CACNB4: variants seen among roughly 807,000 people sequenced by gnomAD.
The protein encoded by CACNB4 is calcium voltage-gated channel auxiliary subunit beta 4.
Under a neutral mutation model 71.2 loss-of-function variants are expected in CACNB4, and 32 were observed. That is an observed-to-expected ratio of 0.45 (90% CI 0.34 to 0.60). The LOEUF (loss-of-function observed/expected upper bound fraction) is 0.60, where lower values mean the gene tolerates loss of function less well. Among genes scored for constraint, CACNB4 ranks in the 20% least tolerant of loss-of-function variants. CACNB4 has a pLI of 0.01. For missense variants in CACNB4, 464 were observed against 647.9 expected (o/e 0.72, Z 3.08); for synonymous variants, 231 against 236.9 (o/e 0.97, Z 0.23).
intron 2 of CACNB4, among the ~76,000 whole-genome samples, chr2:152,021,658 A>T (rs1180656130): frequency 6.6e-6 from 1 of 152,232 alleles, no homozygotes; most frequent in African/African-American, 2.4e-5. Flanking sequence ...TCTCATACGT[A>T]TGTAAATCAA....
chr2:151,892,625 G>A (rs559199871), intron 2 of CACNB4, among the ~76,000 whole-genome samples: 1 of 152,150 alleles, frequency 6.6e-6, no homozygotes, highest in African/African-American at 2.4e-5. Flanking sequence ...AAAACAGAAG[G>A]AGATCCCCCA....
At chr2:151,877,329 C>CTT (rs2099846698) in intron 4 of CACNB4, among the ~76,000 whole-genome samples, 1 of 152,114 alleles carries the variant, frequency 6.6e-6, no homozygotes, top group South Asian at 2.1e-4. Flanking sequence ...TTCAATAAAA[C>CTT]TTTTCTTTAC....
intron 2 of CACNB4, among the ~76,000 whole-genome samples, chr2:151,974,434 T>C (rs1197068746): frequency 2.0e-5 from 3 of 152,202 alleles, no homozygotes; most frequent in African/African-American, 2.4e-5. Flanking sequence ...ATTTCTATAG[T>C]AAAAGTTTTC....
At chr2:152,097,185 T>C (rs751571618) in intron 2 of CACNB4, among the ~76,000 whole-genome samples, 1 of 152,216 alleles carries the variant, frequency 6.6e-6, no homozygotes, top group Non-Finnish European at 1.5e-5. Flanking sequence ...TTCTGCATAA[T>C]AAATATCATC....
intron 2 of CACNB4, among the ~76,000 whole-genome samples, chr2:152,047,473 T>C (rs538685915): frequency 3.9e-5 from 6 of 152,374 alleles, no homozygotes; most frequent in Admixed American, 2.6e-4. Flanking sequence ...ACATACGACC[T>C]GTAACCTTCA....
chr2:151,982,290 A>G (rs1418681218), intron 2 of CACNB4, among the ~76,000 whole-genome samples: 1 of 152,166 alleles, frequency 6.6e-6, no homozygotes, highest in East Asian at 1.9e-4. Flanking sequence ...TTGCCAATAC[A>G]ATAGGAGTGA....
chr2:151,992,094 G>C (rs540825603), intron 2 of CACNB4, among the ~76,000 whole-genome samples: 27 of 152,306 alleles, frequency 1.8e-4, no homozygotes, highest in Non-Finnish European at 2.6e-4. Flanking sequence ...TTGGTGGAGA[G>C]GGCATTAAGT....
In CACNB4 at chr2:151,904,016, G is replaced by A. The variant is rs763240091; in HGVS notation, c.148-20646C>T. ...AAGAAGGGCAAAAAAAGAAGGATGG[G>A]ACTCATATTTCTTTGCATTCATCCT... is the stretch of plus-strand genomic sequence containing the variant. On this transcript the variant is annotated intron_variant, in intron 2 of 13. Transcript: ENST00000539935. 3.3e-5 allele frequency among the ~76,000 whole-genome samples: 5 copies of A among 152,144 alleles called. No homozygotes were observed. The East Asian group carries it at 9.6e-4, about 29-fold the overall frequency.
intron 2 of CACNB4, among the ~76,000 whole-genome samples, chr2:152,051,550 A>G (rs796534052): frequency 3.3e-4 from 50 of 152,270 alleles, no homozygotes; most frequent in African/African-American, 1.1e-3. Flanking sequence ...TTCTAAGAAG[A>G]GACAGGAGAG....
At chr2:152,002,760 A>G (rs1157040084) in intron 2 of CACNB4, among the ~76,000 whole-genome samples, 2 of 152,276 alleles carry the variant, frequency 1.3e-5, no homozygotes, top group East Asian at 1.9e-4. Context: ...AAATAGATAC[A>G]GCAGCATCAA....
chr2:152,093,400 GGTGTGTGT>G (rs34845177), intron 2 of CACNB4, among the ~76,000 whole-genome samples: 54 of 146,646 alleles, frequency 3.7e-4, no homozygotes, highest in African/African-American at 1.2e-3. Context: ...GCTGTTTTTT[GGTGTGTGT>G]GTGTGTGTGT....
intron 2 of CACNB4, among the ~76,000 whole-genome samples, chr2:151,986,721 A>T (rs1331510014): frequency 6.6e-6 from 1 of 152,222 alleles, no homozygotes; most frequent in African/African-American, 2.4e-5. Context: ...AGTTCCCTTC[A>T]TATCAGACTT....
chr2:152,045,544 A>G (rs1321241455), intron 2 of CACNB4, among the ~76,000 whole-genome samples: 3 of 152,162 alleles, frequency 2.0e-5, no homozygotes, highest in Admixed American at 6.5e-5. Flanking sequence ...TCTGCATCTA[A>G]TGTACTTAGT....
At chr2:151,889,238 G>A (rs1270815691) in intron 2 of CACNB4, among the ~76,000 whole-genome samples, 1 of 151,916 alleles carries the variant, frequency 6.6e-6, no homozygotes, top group Non-Finnish European at 1.5e-5. Flanking sequence ...GGAGGCCGAG[G>A]CAGACGGATC....
At chr2:152,054,140 G>C (rs1685595141) in intron 2 of CACNB4, among the ~76,000 whole-genome samples, 2 of 151,806 alleles carry the variant, frequency 1.3e-5, no homozygotes, top group Non-Finnish European at 2.9e-5. Flanking sequence ...GGCCGAGACG[G>C]GCAGATCACG....
intron 2 of CACNB4, among the ~76,000 whole-genome samples, chr2:151,915,325 C>G (rs1305584559): frequency 6.6e-6 from 1 of 152,210 alleles, no homozygotes; most frequent in Non-Finnish European, 1.5e-5. Context: ...GCCTCCCTGG[C>G]TCCAGCAGGG....
chr2:151,899,011 C>T (rs1432605507), intron 2 of CACNB4, among the ~76,000 whole-genome samples: 1 of 152,242 alleles, frequency 6.6e-6, no homozygotes, highest in Non-Finnish European at 1.5e-5. Context: ...CTTCTTCTCC[C>T]ACCAATATTG....
At chr2:151,852,556 C>A (rs1459010514) in intron 12 of CACNB4, 1 of 152,200 alleles carries the variant, frequency 6.6e-6, no homozygotes, top group Admixed American at 6.5e-5. Flanking sequence ...TTCACTCACT[C>A]AATCCTTACA....
At chr2:151,933,567 G>A (rs568977921) in intron 2 of CACNB4, among the ~76,000 whole-genome samples, 3 of 152,120 alleles carry the variant, frequency 2.0e-5, no homozygotes, top group African/African-American at 2.4e-5. Flanking sequence ...CACACAACTA[G>A]AAGCCTGGAC....
Sources: gnomAD v4.1 joint callset for allele counts (sites outside exome capture counted in the v4.1 genomes callset) on GRCh38, gnomAD v4.1.1 for gene constraint, MANE v1.5 for transcripts, NCBI Gene and HGNC (gene_info 2026-07-23, HGNC 2026-07-21) for gene names.